VPS13C: variants seen among roughly 807,000 people sequenced by gnomAD.
VPS13C encodes intermembrane lipid transfer protein VPS13C.
VPS13C carries 358 observed loss-of-function variants against 456.8 expected under a neutral mutation model. The ratio of observed to expected loss-of-function variants is 0.78; its 90% CI spans 0.72 to 0.86. The LOEUF is 0.86. Among genes scored for constraint, VPS13C ranks in the 40% least tolerant of loss-of-function variants. The pLI, the probability that VPS13C is intolerant of heterozygous loss-of-function variation, is 0.00. For synonymous variants in VPS13C, 1,578 were observed against 1,486.7 expected (o/e 1.06, Z -1.41); for missense variants, 4,818 against 4,385.4 (o/e 1.10, Z -2.79).
At chr15:61,873,727 A>T (rs945273210) in intron 77 of VPS13C, among the ~76,000 whole-genome samples, 3 of 151,914 alleles carry the variant, frequency 2.0e-5, no homozygotes, top group Non-Finnish European at 4.4e-5. Context: ...GAGTGGAAAT[A>T]TAACTTAATA....
Position 61,961,159 on chromosome 15 carries a change from C to G in VPS13C, c.3908+430G>C, listed in dbSNP as rs555034657. On this transcript the variant is annotated intron_variant, in intron 35 of 84. Transcript: ENST00000644861. ...ATCCCAGCACTTTGGGGGTCCAAAG[C>G]AGGTGGATCACCTGAGGTGAGGAGT... Among the ~76,000 whole-genome samples, 6 of 150,514 alleles carry G rather than the reference C, an allele frequency of 4.0e-5. No homozygotes were observed. In the East Asian group the frequency reaches 1.2e-3, roughly 30 times the overall value.
chr15:61,936,786 TA>T (rs753621291), intron 47 of VPS13C, 36 bp from the exon 48 acceptor site: 45 of 1,557,012 alleles, frequency 2.9e-5, no homozygotes, highest in Middle Eastern at 1.7e-4. Flanking sequence ...CTCTAAGTAA[TA>T]AAAAAAATGT....
intron 4 of VPS13C, among the ~76,000 whole-genome samples, chr15:62,033,960 T>C (rs952780935): frequency 6.6e-6 from 1 of 151,362 alleles, no homozygotes; most frequent in African/African-American, 2.4e-5. Flanking sequence ...GGAATACATA[T>C]CAACAATCAT....
At chr15:61,951,128 G>C (rs552102846) in intron 39 of VPS13C, 104 bp from the exon 40 acceptor site, 3 of 639,850 alleles carry the variant, frequency 4.7e-6, no homozygotes, top group South Asian at 2.6e-5. Flanking sequence ...CAAAACTCAG[G>C]ACTGTACACT....
At chr15:61,904,188 C>T (rs1011617137) in intron 66 of VPS13C, among the ~76,000 whole-genome samples, 1 of 151,404 alleles carries the variant, frequency 6.6e-6, no homozygotes, top group African/African-American at 2.4e-5. Context: ...AAAGTAGAGA[C>T]AACAAACCGA....
intron 15 of VPS13C, among the ~76,000 whole-genome samples, chr15:62,004,129 G>A (rs1431260509): frequency 2.6e-5 from 4 of 151,846 alleles, no homozygotes; most frequent in South Asian, 2.1e-4. Flanking sequence ...GGTAGAATTC[G>A]GCTGTGAATC....
In VPS13C at chr15:61,936,702, C is replaced by G. The variant is rs749821195; in HGVS notation, c.5650G>C (p.Glu1884Gln). The G allele has an allele frequency of 2.5e-6, 4 of 1,613,450 alleles. No homozygotes were observed. Among genetic ancestry groups the G allele is most frequent in the Non-Finnish European group, 3.4e-6 (4 of 1,179,748 alleles). ...TGTGAGGAAGCTTCTCCAAGATTTT[C>G]TAGCAAAATTTTCATTAAAACTGTC... ...DLTVLMKILL[E>Q]NLGEASSQPS... Residue 1884 changes from glutamate (E) to glutamine (Q), a missense_variant, in exon 48 of 85, where the codon GAA (glutamate) becomes CAA (glutamine). By Grantham distance (29) the Glu-to-Gln change is conservative (BLOSUM62 2). Around this residue, in one of 3 missense-constraint regions of VPS13C, gnomAD observed 4,552 missense variants for 4,130.6 expected, o/e 1.10. Transcript: ENST00000644861.
chr15:62,010,702 G>T (rs1168935419), intron 12 of VPS13C, 103 bp from the exon 13 acceptor site: 1 of 1,176,192 alleles, frequency 8.5e-7, no homozygotes, highest in Non-Finnish European at 1.1e-6. Flanking sequence ...AAAGAAAAAT[G>T]ATCAAAAATG....
At chr15:62,012,220 A>G (rs1268590973) in intron 11 of VPS13C, 56 bp from the exon 12 acceptor site, 2 of 796,146 alleles carry the variant, frequency 2.5e-6, no homozygotes, top group African/African-American at 1.9e-5. Context: ...ATTCAGACTC[A>G]GACACACACA....
chr15:61,996,712 G>A (rs1246448005), intron 16 of VPS13C, among the ~76,000 whole-genome samples: 5 of 151,458 alleles, frequency 3.3e-5, no homozygotes. Context: ...TATAATATCT[G>A]AAATTAAAAA....
Position 61,981,438 on chromosome 15 carries a change from T to G in VPS13C, c.2070A>C (p.Leu690Phe). 1 of 1,612,116 alleles carries G rather than the reference T, an allele frequency of 6.2e-7. No homozygotes were observed. Among genetic ancestry groups the G allele is most frequent in the Non-Finnish European group, 8.5e-7 (1 of 1,179,356 alleles). The change falls in exon 22 of 85, where the codon TTA (leucine) becomes TTC (phenylalanine). Residue 690 changes from leucine to phenylalanine, a missense_variant. Leu to Phe is a conservative substitution (Grantham distance 22, BLOSUM62 0). Around this residue, in one of 3 missense-constraint regions of VPS13C, gnomAD observed 4,552 missense variants for 4,130.6 expected, o/e 1.10. Coordinates refer to ENST00000644861, the MANE Select transcript of VPS13C (RefSeq NM_020821.3). ...GATAAGAAGGCTTCAGATTTATCCT[T>G]AAATCAAGGACTTTTCGAGTTTCAA... ...HIIETRKVLD[L>F]RINLKPSYLV...
At position 62,008,832 on chromosome 15, in the gene VPS13C, T is replaced by G. The variant is rs2046944301; in HGVS notation, c.1012-71A>C. 3.9e-5 allele frequency: 37 copies of G among 957,054 alleles called. No homozygotes were observed. The South Asian group carries it at 9.1e-4, about 23-fold the overall frequency. The allele number at this position is 957,054 out of a possible 1,614,324, so 59.3% of individuals were successfully genotyped here. ...AAAAAAAGACTAAATTTAATTCTAT[T>G]TTTTAGGCTAGTGAGACTCCAAATA... On this transcript the variant is annotated intron_variant, in intron 13 of 84. Coordinates refer to ENST00000644861, the MANE Select transcript of VPS13C (RefSeq NM_020821.3).
intron 28 of VPS13C, among the ~76,000 whole-genome samples, chr15:61,967,811 A>G (rs2140338496): frequency 6.6e-6 from 1 of 152,072 alleles, no homozygotes; most frequent in South Asian, 2.1e-4. Context: ...TTTTTCCTTA[A>G]GAGAGAACTG....
At chr15:61,895,387 C>CA (rs1186418629) in intron 66 of VPS13C, among the ~76,000 whole-genome samples, 1 of 151,246 alleles carries the variant, frequency 6.6e-6, no homozygotes, top group African/African-American at 2.4e-5. Context: ...AAAATTGAGA[C>CA]AAAAAAATAC....
Position 62,060,398 on chromosome 15 carries a change from G to C in VPS13C, c.-24C>G, listed in dbSNP as rs909592673. ...ATGGTGGCGCTGAGGCACAAGGAGA[G>C]GGAGGAGCCGGAACCGCCCGGCGCA... On this transcript the variant is annotated 5_prime_UTR_variant, in exon 1 of 85. Coordinates refer to ENST00000644861, the MANE Select transcript of VPS13C (RefSeq NM_020821.3). 2 of 1,385,096 alleles carry C rather than the reference G, an allele frequency of 1.4e-6. No individual in the cohort carries two copies. Among genetic ancestry groups the C allele is most frequent in the Non-Finnish European group, 2.0e-6 (2 of 996,702 alleles). The allele number at this position is 1,385,096 out of a possible 1,614,324, so 85.8% of individuals were successfully genotyped here. A position where few individuals can be genotyped will look rare whatever the true frequency, so the allele number is the denominator to read the frequency against.
At chr15:62,034,924 G>A (rs1234917054) in intron 4 of VPS13C, 33 bp downstream of exon 4, 3 of 1,370,754 alleles carry the variant, frequency 2.2e-6, no homozygotes, top group Non-Finnish European at 3.0e-6. Context: ...TCAATGTGAT[G>A]TTATTGAATG....
In VPS13C at chr15:61,898,399, T is replaced by C. The variant is rs1231344753; in HGVS notation, c.9106-7999A>G. Among the ~76,000 whole-genome samples, 4 of 151,288 alleles carry C rather than the reference T, an allele frequency of 2.6e-5. No individual in the cohort carries two copies. In the East Asian group the frequency reaches 5.9e-4, roughly 22 times the overall value. On this transcript the variant is annotated intron_variant, in intron 66 of 84. Transcript: ENST00000644861. ...CACACATAGGCTCAAAATAAAAGGA[T>C]GGAGGAAAATCTACCAAGCAAATGG... is the stretch of plus-strand genomic sequence containing the variant.
chr15:62,027,168 A>G (rs1455795359), intron 6 of VPS13C, among the ~76,000 whole-genome samples: 1 of 152,108 alleles, frequency 6.6e-6, no homozygotes, highest in East Asian at 1.9e-4. Context: ...TGAAGATATC[A>G]TCAACAAAAT....
chr15:62,027,082 T>C (rs1044889376), intron 6 of VPS13C, among the ~76,000 whole-genome samples: 2 of 151,970 alleles, frequency 1.3e-5, no homozygotes, highest in African/African-American at 4.8e-5. Flanking sequence ...TAATATCAAA[T>C]GAGGAAATAA....
Sources: gnomAD v4.1 joint callset for allele counts (sites outside exome capture counted in the v4.1 genomes callset) on GRCh38, gnomAD v4.1.1 for gene constraint, gnomAD v4.1.1 regional missense constraint, MANE v1.5 for transcripts, NCBI Gene and HGNC (gene_info 2026-07-23, HGNC 2026-07-21) for gene names.